The following KCNG3 variants were observed in gnomAD, a reference collection of about 807,000 sequenced individuals.
KCNG3 encodes potassium voltage-gated channel modifier subfamily G member 3, also known as voltage-gated potassium channel regulatory subunit KCNG3.
In KCNG3, 15 loss-of-function variants were observed where a neutral mutation model predicts 29.0. That is an observed-to-expected ratio of 0.52 (90% CI 0.35 to 0.80). The LOEUF is 0.80. Ranked by LOEUF, KCNG3 falls within the 30% of genes least tolerant of loss-of-function variation. KCNG3 has a pLI of 0.01. For synonymous variants in KCNG3, 322 were observed against 248.9 expected, an observed-to-expected ratio of 1.29 and a Z score of -2.76; for missense variants, 512 against 605.7, an observed-to-expected ratio of 0.85 and a Z score of 1.62.
rs187260801 is a variant in KCNG3 at position 42,453,749 on chromosome 2, A to G, written c.666-9170T>C. Among the ~76,000 whole-genome samples, 444 of 152,214 alleles carry G rather than the reference A, an allele frequency of 2.9e-3. 3 individuals are homozygous for G. Among genetic ancestry groups the G allele is most frequent in the Middle Eastern group, 0.02 (6 of 294 alleles). ...TTGTTCATTTTTGCTTTGGTTGCCT[A>G]TGCTGGTGGGGTACTGCTCAAGAAA... On this transcript the variant is annotated intron_variant, in intron 1 of 1. Transcript: ENST00000306078.
chr2:42,417,849 G>A, the KCNG3 span, among the ~76,000 whole-genome samples: 2 of 152,008 alleles, frequency 1.3e-5, no homozygotes, highest in African/African-American at 2.4e-5. Flanking sequence ...GCGTGCGCCT[G>A]TAGTCCCAGC....
intron 1 of KCNG3, among the ~76,000 whole-genome samples, chr2:42,477,013 G>C (rs1370521433): frequency 6.9e-6 from 1 of 145,406 alleles, no homozygotes; most frequent in Non-Finnish European, 1.5e-5. Context: ...GTGAAACCCC[G>C]TCTCTACTAA....
At chr2:42,392,181 G>A in the KCNG3 span, among the ~76,000 whole-genome samples, 2 of 152,128 alleles carry the variant, frequency 1.3e-5, no homozygotes, top group African/African-American at 2.4e-5. Flanking sequence ...ATGAACTCAG[G>A]AGGCTCTCCC....
the KCNG3 span, among the ~76,000 whole-genome samples, chr2:42,409,357 T>A: frequency 6.6e-6 from 1 of 152,078 alleles, no homozygotes; most frequent in East Asian, 1.9e-4. Flanking sequence ...TGCCTGGTGA[T>A]CTTTTAATTA....
intron 1 of KCNG3, among the ~76,000 whole-genome samples, chr2:42,462,173 C>G (rs1274222211): frequency 1.3e-5 from 2 of 152,190 alleles, no homozygotes; most frequent in Non-Finnish European, 2.9e-5. Context: ...TACAATCACA[C>G]AACCTCTCCC....
rs1185086667 is a variant in KCNG3, at chr2:42,463,325, TGTAGTGAGTGTTATTG to T, written c.666-18762_666-18747del. 12 of 57,642 alleles carry T rather than the reference TGTAGTGAGTGTTATTG, an allele frequency of 2.1e-4. 1 individual carries two copies. The highest frequency in any genetic ancestry group is 4.1e-4 in the Non-Finnish European group (12 of 29,298). The allele number at this position is 57,642 out of a possible 1,614,324, so 3.6% of individuals were successfully genotyped here. On this transcript the variant is annotated intron_variant, in intron 1 of 1. Transcript: ENST00000306078. ...CAGGGTCCATCTGATACTTGCCTGC[TGTAGTGAGTGTTATTG>T]TTTCCTGATGAAGTGAGTGTTACTG...
chr2:42,457,627 T>A (rs1287850019), intron 1 of KCNG3, among the ~76,000 whole-genome samples: 11 of 125,520 alleles, frequency 8.8e-5, no homozygotes, highest in East Asian at 2.3e-4. Context: ...CAGGCAGATC[T>A]CACACACACA....
intron 1 of KCNG3, among the ~76,000 whole-genome samples, chr2:42,448,352 T>TTTAC (rs1193211637): frequency 9.2e-6 from 1 of 108,190 alleles, no homozygotes; most frequent in Non-Finnish European, 2.0e-5. Context: ...CACTTATTTA[T>TTTAC]TTATTTATTT....
In KCNG3 at chr2:42,492,978, C is replaced by G. The variant is rs775715754; in HGVS notation, c.524G>C (p.Ser175Thr). ...TSSLAAQILASVSVVFVIVSM... is the reference protein window; with the variant it reads ...TSSLAAQILATVSVVFVIVSM... ...CACGATCACGAACACCACCGACACGCTAGCCAGGATCTGCGCGGCCAGCGA... is the reference window on the plus strand; with the variant it reads ...CACGATCACGAACACCACCGACACGGTAGCCAGGATCTGCGCGGCCAGCGA... The change falls in exon 1 of 2, where the codon AGC becomes ACC. Residue 175 changes from serine (S) to threonine (T), a missense_variant. By Grantham distance (58) the Ser-to-Thr change is moderately conservative. Transcript: ENST00000306078. 2.3e-5 allele frequency: 36 copies of G among 1,551,534 alleles called. No individual in the cohort carries two copies. In the Middle Eastern group the frequency reaches 6.8e-4, roughly 29 times the overall value.
the KCNG3 span, among the ~76,000 whole-genome samples, chr2:42,390,263 C>T: frequency 1.3e-5 from 2 of 152,116 alleles, no homozygotes; most frequent in Non-Finnish European, 2.9e-5. Context: ...AATTACAGAG[C>T]CATATTTCCA....
chr2:42,407,431 C>G, the KCNG3 span, among the ~76,000 whole-genome samples: 1 of 152,188 alleles, frequency 6.6e-6, no homozygotes, highest in African/African-American at 2.4e-5. Context: ...GTGATGGCAA[C>G]AGCAGCCTGT....
intron 1 of KCNG3, among the ~76,000 whole-genome samples, chr2:42,483,432 C>T (rs1673641204): frequency 6.6e-6 from 1 of 152,196 alleles, no homozygotes; most frequent in African/African-American, 2.4e-5. Flanking sequence ...TGTTCTGTGC[C>T]ACTGTTTGCA....
intron 1 of KCNG3, chr2:42,463,004 A>G (rs541282330): frequency 6.5e-6 from 1 of 153,466 alleles, no homozygotes; most frequent in South Asian, 2.0e-4. Flanking sequence ...TCTTTGAATC[A>G]TCTTTAACCT....
chr2:42,469,051 G>C (rs987474303), intron 1 of KCNG3, among the ~76,000 whole-genome samples: 9 of 151,308 alleles, frequency 5.9e-5, no homozygotes, highest in Non-Finnish European at 1.0e-4. Context: ...TTCCCAAGAA[G>C]GGTTTTCATG....
At chr2:42,390,527 G>T in the KCNG3 span, among the ~76,000 whole-genome samples, 3 of 152,188 alleles carry the variant, frequency 2.0e-5, no homozygotes, top group African/African-American at 7.2e-5. Flanking sequence ...AGGGGCAAAA[G>T]TGAACGAAGG....
the KCNG3 span, among the ~76,000 whole-genome samples, chr2:42,416,521 C>T: frequency 1.3e-5 from 2 of 152,082 alleles, no homozygotes; most frequent in African/African-American, 2.4e-5. Flanking sequence ...TGAATGTGCA[C>T]ATCACAGAGA....
At chr2:42,404,589 C>T in the KCNG3 span, among the ~76,000 whole-genome samples, 3 of 151,956 alleles carry the variant, frequency 2.0e-5, no homozygotes, top group Non-Finnish European at 2.9e-5. Context: ...ATTAGCCGGG[C>T]GTCGTGGCAC....
the KCNG3 span, among the ~76,000 whole-genome samples, chr2:42,434,297 T>A: frequency 8.6e-5 from 13 of 150,314 alleles, no homozygotes; most frequent in East Asian, 2.0e-4. Flanking sequence ...ACAAAGAAAA[T>A]TTTTTTTAAT....
At chr2:42,490,714 T>A (rs1316451610) in intron 1 of KCNG3, among the ~76,000 whole-genome samples, 1 of 152,154 alleles carries the variant, frequency 6.6e-6, no homozygotes, top group African/African-American at 2.4e-5. Context: ...GATCGGCAGG[T>A]TGTCATCAAA....
Sources: allele counts gnomAD v4.1 joint callset (sites outside exome capture counted in the v4.1 genomes callset), GRCh38; gene constraint gnomAD v4.1.1; transcripts MANE v1.5; gene names NCBI Gene and HGNC (gene_info 2026-07-23, HGNC 2026-07-21).